WASHC4: variants seen among roughly 807,000 people sequenced by gnomAD.
WASHC4 encodes the protein WASH complex subunit 7.
A neutral mutation model predicts 166.6 loss-of-function variants in WASHC4; 86 were observed. The observed-to-expected ratio is 0.52, with a 90% CI of 0.43 to 0.62. WASHC4 has a LOEUF of 0.62. Among genes scored for constraint, WASHC4 ranks in the 20% least tolerant of loss-of-function variants. WASHC4 has a pLI of 0.00. For missense variants in WASHC4, 1,262 were observed against 1,382.4 expected (o/e 0.91, Z 1.38); for synonymous variants, 446 against 451.6 (o/e 0.99, Z 0.16).
At chr12:105,148,087 C>A (rs1426630898) in intron 24 of WASHC4, 5 of 985,138 alleles carry the variant, frequency 5.1e-6, no homozygotes, top group Non-Finnish European at 6.0e-6. Flanking sequence ...TATTATTAAA[C>A]ACATTTGGAG....
At chr12:105,147,537 TGGGGCA>T in intron 24 of WASHC4, 1 of 932,426 alleles carries the variant, frequency 1.1e-6, no homozygotes. Context: ...ATGCCCTTTT[TGGGGCA>T]GGGTTTGCTA....
chr12:105,154,883 A>G (rs897625891), intron 26 of WASHC4, among the ~76,000 whole-genome samples: 4 of 152,228 alleles, frequency 2.6e-5, no homozygotes, highest in Non-Finnish European at 5.9e-5. Flanking sequence ...TTGACTTTTT[A>G]AAGATGCACA....
rs79690339 is a variant in WASHC4, at chr12:105,133,636, G to A, written c.1200-134G>A. The stretch of plus-strand genomic sequence containing the variant: ...TTTGTTGAATGAGTAAATTATATAT[G>A]TCTATGTAATATTTATCTTTTGAAA... On this transcript the variant is annotated intron_variant, in intron 13 of 32. Coordinates refer to ENST00000332180, the MANE Select transcript of WASHC4 (RefSeq NM_015275.3). The A allele has an allele frequency of 1.2e-3, 816 of 702,600 alleles. 4 individuals are homozygous for A. In the African/African-American group the frequency reaches 0.013, roughly 11 times the overall value. 43.5% of individuals were successfully genotyped at this position (702,600 alleles called of 1,614,324 possible).
intron 14 of WASHC4, among the ~76,000 whole-genome samples, chr12:105,135,810 C>T (rs1592879338): frequency 6.6e-6 from 1 of 152,236 alleles, no homozygotes; most frequent in Admixed American, 6.5e-5. Flanking sequence ...TCAACACATT[C>T]AGCTTATTTT....
intron 10 of WASHC4, among the ~76,000 whole-genome samples, chr12:105,125,535 A>T (rs1881202279): frequency 6.6e-6 from 1 of 152,130 alleles, no homozygotes; most frequent in Non-Finnish European, 1.5e-5. Flanking sequence ...TTTAAGCGTC[A>T]ACTATATATC....
At chr12:105,119,503 C>T (rs1422685892) in intron 7 of WASHC4, among the ~76,000 whole-genome samples, 2 of 152,140 alleles carry the variant, frequency 1.3e-5, no homozygotes, top group East Asian at 3.8e-4. Flanking sequence ...TACCATGCTG[C>T]ATATAAACTC....
At chr12:105,148,592 T>C in intron 24 of WASHC4, 1 of 985,086 alleles carries the variant, frequency 1.0e-6, no homozygotes, top group Non-Finnish European at 1.2e-6. Context: ...AACAAAAGAC[T>C]GTTAAAGAGA....
chr12:105,137,674 T>C lies in WASHC4; in HGVS notation c.1327-212T>C, dbSNP rs79553575. On this transcript the variant is annotated intron_variant, in intron 14 of 32. Coordinates refer to ENST00000332180, the MANE Select transcript of WASHC4 (RefSeq NM_015275.3). ...ACAAAACTTCTGGTATGTGACAGGA[T>C]AAATAAACGGTTAGGGCTGCTTTGA... 3.8e-3 allele frequency among the ~76,000 whole-genome samples: 583 copies of C among 152,282 alleles called. 4 individuals carry two copies. The highest frequency in any genetic ancestry group is 0.013 in the African/African-American group (558 of 41,564).
chr12:105,155,865 G>A (rs966487400), intron 26 of WASHC4, among the ~76,000 whole-genome samples: 5 of 151,804 alleles, frequency 3.3e-5, no homozygotes, highest in African/African-American at 9.7e-5. Flanking sequence ...AGCACTATAC[G>A]CTCTAACTTA....
At chr12:105,115,575 A>G in intron 5 of WASHC4, 86 bp from the exon 6 acceptor site, 1 of 1,001,978 alleles carries the variant, frequency 1.0e-6, no homozygotes, top group South Asian at 1.3e-5. Flanking sequence ...GTCCTAATGA[A>G]AAAAAAAAAC....
intron 2 of WASHC4, among the ~76,000 whole-genome samples, chr12:105,112,336 C>G (rs1879774521): frequency 6.6e-6 from 1 of 152,112 alleles, no homozygotes; most frequent in African/African-American, 2.4e-5. Context: ...TACTATTTGG[C>G]TGCTATGAGC....
chr12:105,120,632 AT>A lies in WASHC4; in HGVS notation c.561+37del, dbSNP rs1340388232. The A allele has an allele frequency of 2.8e-6, 4 of 1,432,990 alleles. No homozygotes were observed. The African/African-American group carries it at 5.6e-5, about 20-fold the overall frequency. 88.8% of individuals were successfully genotyped at this position (1,432,990 alleles called of 1,614,324 possible). A position where few individuals can be genotyped will look rare whatever the true frequency, so the allele number is the denominator to read the frequency against. On this transcript the variant is annotated intron_variant, in intron 8 of 32. Transcript: ENST00000332180. The stretch of plus-strand genomic sequence containing the variant: ...ATTTAGCTTGACCTGTAAAACTGTA[AT>A]TATTACTATATTTTACTTTGGAGTT...
At chr12:105,108,755 T>C (rs1357902966) in intron 1 of WASHC4, among the ~76,000 whole-genome samples, 1 of 152,068 alleles carries the variant, frequency 6.6e-6, no homozygotes, top group African/African-American at 2.4e-5. Context: ...TTTTCCCTCA[T>C]AGTTTTCCCA....
intron 20 of WASHC4, among the ~76,000 whole-genome samples, chr12:105,143,896 C>G (rs1231249794): frequency 6.6e-6 from 1 of 151,798 alleles, no homozygotes; most frequent in Non-Finnish European, 1.5e-5. Context: ...TAATTTAGAA[C>G]TCCTTGGTAG....
chr12:105,161,589 A>T (rs192890881), intron 29 of WASHC4, among the ~76,000 whole-genome samples: 67 of 152,384 alleles, frequency 4.4e-4, no homozygotes, highest in African/African-American at 1.5e-3. Context: ...AAGTGGATTA[A>T]AAGCACTACA....
chr12:105,162,887 C>A, intron 30 of WASHC4, 42 bp downstream of exon 30: 1 of 968,572 alleles, frequency 1.0e-6, no homozygotes, highest in Non-Finnish European at 1.6e-6. Flanking sequence ...TTTATATTGA[C>A]CTTGTAATGG....
intron 10 of WASHC4, among the ~76,000 whole-genome samples, chr12:105,122,816 T>G (rs1367245706): frequency 1.3e-5 from 2 of 152,234 alleles, no homozygotes; most frequent in Non-Finnish European, 2.9e-5. Flanking sequence ...AAATGTTGTG[T>G]GTGTTCTGAC....
intron 32 of WASHC4, among the ~76,000 whole-genome samples, chr12:105,166,633 C>T (rs1344274379): frequency 3.9e-5 from 6 of 152,142 alleles, no homozygotes; most frequent in African/African-American, 1.4e-4. Context: ...TGAGCTCCCT[C>T]AACTCCACCT....
rs757272478 is a variant in WASHC4 at position 105,152,303 on chromosome 12, G to T, written c.2650-40G>T. The T allele has an allele frequency of 9.8e-6, 10 of 1,023,876 alleles. No homozygotes were observed. The Admixed American group carries it at 1.4e-4, about 14-fold the overall frequency. The allele number at this position is 1,023,876 out of a possible 1,614,324, so 63.4% of individuals were successfully genotyped here. On this transcript the variant is annotated intron_variant, in intron 25 of 32. Transcript: ENST00000332180. ...TATTTGGGAGGCATTTTGTGCTTTA[G>T]AAATCTTTATTAAAAGTAGCCTTAA...
Sources: gnomAD v4.1 joint callset for allele counts (sites outside exome capture counted in the v4.1 genomes callset) on GRCh38, gnomAD v4.1.1 for gene constraint, MANE v1.5 for transcripts, NCBI Gene and HGNC (gene_info 2026-07-23, HGNC 2026-07-21) for gene names.